PLEKHA5: variants seen among roughly 807,000 people sequenced by gnomAD.
The protein encoded by PLEKHA5 is pleckstrin homology domain containing A5, also known as pleckstrin homology domain-containing family A member 5.
PLEKHA5 carries 55 observed loss-of-function variants against 181.9 expected under a neutral mutation model. The observed-to-expected ratio is 0.30, with a 90% CI of 0.24 to 0.38. The LOEUF is 0.38. Ranked by LOEUF, PLEKHA5 falls within the 10% of genes least tolerant of loss-of-function variation. The pLI is 1.00. For synonymous variants in PLEKHA5, 535 were observed against 529.4 expected (o/e 1.01, Z -0.15); for missense variants, 1,432 against 1,549.5 (o/e 0.92, Z 1.27).
intron 15 of PLEKHA5, among the ~76,000 whole-genome samples, chr12:19,302,235 T>C (rs2081686436): frequency 6.6e-6 from 1 of 152,138 alleles, no homozygotes; most frequent in African/African-American, 2.4e-5. Context: ...CAGCAAGAGA[T>C]GGGTCTTCTT....
intron 28 of PLEKHA5, among the ~76,000 whole-genome samples, chr12:19,360,817 G>A (rs1197705422): frequency 7.3e-5 from 11 of 151,540 alleles, no homozygotes; most frequent in Admixed American, 5.3e-4. Context: ...GTACAGTGGC[G>A]TGATCTTGGC....
intron 3 of PLEKHA5, among the ~76,000 whole-genome samples, chr12:19,242,312 C>A (rs368847142): frequency 1.3e-5 from 2 of 151,690 alleles, no homozygotes; most frequent in African/African-American, 4.8e-5. Context: ...GATCTTGGCT[C>A]ACTGCAGCCT....
chr12:19,295,111 T>C (rs1055891011), intron 15 of PLEKHA5, among the ~76,000 whole-genome samples: 2 of 152,306 alleles, frequency 1.3e-5, no homozygotes, highest in Non-Finnish European at 2.9e-5. Flanking sequence ...AGGCCCAAAG[T>C]AGAACCTGTA....
At chr12:19,178,092 C>T (rs4561260) in intron 3 of PLEKHA5, among the ~76,000 whole-genome samples, 119,850 of 152,050 alleles carry the variant, frequency 0.79, 48,413 homozygotes, top group Non-Finnish European at 0.89. Context: ...GTTTCTGGAA[C>T]CATTGAGCAC....
intron 30 of PLEKHA5, among the ~76,000 whole-genome samples, chr12:19,369,334 CAA>C (rs34563287): frequency 4.5e-4 from 63 of 139,432 alleles, no homozygotes; most frequent in African/African-American, 1.2e-3. Flanking sequence ...CACGCCCAGC[CAA>C]AAAAAAAAAA....
intron 3 of PLEKHA5, among the ~76,000 whole-genome samples, chr12:19,248,543 CATT>C (rs978806758): frequency 6.6e-6 from 1 of 152,146 alleles, no homozygotes; most frequent in African/African-American, 2.4e-5. Context: ...AAATAATTAA[CATT>C]ATACTGCAAT....
chr12:19,229,822 G>T (rs796952466), intron 3 of PLEKHA5, among the ~76,000 whole-genome samples: 1 of 152,088 alleles, frequency 6.6e-6, no homozygotes, highest in African/African-American at 2.4e-5. Flanking sequence ...TGATTGGTCC[G>T]TTTTGACAGG....
rs761251487 is a variant in PLEKHA5 at position 19,139,686 on chromosome 12, C to G, written c.227+7236C>G. ...CTGTGATAAATGCTATGAAGAATATCTAATGTTTTGACTACGTATATTGAA... is the reference window on the plus strand; with the variant it reads ...CTGTGATAAATGCTATGAAGAATATGTAATGTTTTGACTACGTATATTGAA... On this transcript the variant is annotated intron_variant, in intron 3 of 31. Coordinates refer to ENST00000429027, the MANE Select transcript of PLEKHA5 (RefSeq NM_001256470.2). Among the ~76,000 whole-genome samples, 53 of 152,244 alleles carry G rather than the reference C, an allele frequency of 3.5e-4. 1 individual carries two copies. Among genetic ancestry groups the G allele is most frequent in the Admixed American group, 2.1e-3 (32 of 15,282 alleles).
At position 19,224,387 on chromosome 12, in the gene PLEKHA5, G is replaced by A. The variant is rs191668091; in HGVS notation, c.228-29553G>A. 2.9e-3 allele frequency among the ~76,000 whole-genome samples: 444 copies of A among 151,988 alleles called. 3 individuals carry two copies. Among genetic ancestry groups the A allele is most frequent in the Non-Finnish European group, 4.5e-3 (307 of 67,896 alleles). On this transcript the variant is annotated intron_variant, in intron 3 of 31. Transcript: ENST00000429027. The stretch of plus-strand genomic sequence containing the variant: ...TTGAATGACTTTTGTTTTTGTTTTT[G>A]TTTTTTTCCTGGGCAGAATTCTACC...
chr12:19,364,722 C>G (rs180810911), intron 29 of PLEKHA5, among the ~76,000 whole-genome samples: 2 of 151,400 alleles, frequency 1.3e-5, no homozygotes, highest in Non-Finnish European at 2.9e-5. Flanking sequence ...CGTGCAGTGG[C>G]GCAATCTTGG....
chr12:19,215,805 A>T (rs2057863651), intron 3 of PLEKHA5, among the ~76,000 whole-genome samples: 1 of 152,198 alleles, frequency 6.6e-6, no homozygotes, highest in Non-Finnish European at 1.5e-5. Flanking sequence ...TGGCTTTCTG[A>T]CTAAATTTGT....
intron 3 of PLEKHA5, among the ~76,000 whole-genome samples, chr12:19,173,473 G>A (rs1201333537): frequency 7.0e-6 from 1 of 142,784 alleles, no homozygotes; most frequent in Non-Finnish European, 1.5e-5. Flanking sequence ...AAAAAAAAAT[G>A]TGCTCCATTA....
chr12:19,298,786 A>C (rs149197252), intron 15 of PLEKHA5, among the ~76,000 whole-genome samples: 3 of 152,346 alleles, frequency 2.0e-5, no homozygotes, highest in African/African-American at 7.2e-5. Flanking sequence ...TCATGTCACA[A>C]GCATTTATTG....
At chr12:19,218,906 A>T (rs75323687) in intron 3 of PLEKHA5, among the ~76,000 whole-genome samples, 13,294 of 132,750 alleles carry the variant, frequency 0.1, 876 homozygotes, top group African/African-American at 0.23. Flanking sequence ...TATTATTATT[A>T]TTTTTTTTTT....
chr12:19,374,398 G>A (rs1277092496), intron 31 of PLEKHA5, among the ~76,000 whole-genome samples: 4 of 152,034 alleles, frequency 2.6e-5, no homozygotes, highest in East Asian at 1.9e-4. Context: ...AGTGGCTCAC[G>A]GCTGTAATCC....
intron 3 of PLEKHA5, among the ~76,000 whole-genome samples, chr12:19,168,708 G>A (rs1352135983): frequency 6.6e-6 from 1 of 152,072 alleles, no homozygotes; most frequent in Non-Finnish European, 1.5e-5. Context: ...ATAAGAAAGG[G>A]CTCTTCAAAT....
At chr12:19,135,790 A>T (rs1253433004) in intron 3 of PLEKHA5, among the ~76,000 whole-genome samples, 3 of 152,116 alleles carry the variant, frequency 2.0e-5, no homozygotes, top group African/African-American at 7.2e-5. Context: ...ACAAGTTTGC[A>T]GCTAGATTAA....
Position 19,129,766 on chromosome 12 carries a change from A to T in PLEKHA5, c.-34A>T, listed in dbSNP as rs776990533. On this transcript the variant is annotated 5_prime_UTR_variant, in exon 1 of 32. Coordinates refer to ENST00000429027, the MANE Select transcript of PLEKHA5 (RefSeq NM_001256470.2). ...CTCCCTCGGCAGCCGCGGCGGCAGC[A>T]GGAGAAGGCGGCGGCGGCGGCTAGG... 1.3e-6 allele frequency: 2 copies of T among 1,515,178 alleles called. No individual in the cohort carries two copies. The highest frequency in any genetic ancestry group is 1.8e-6 in the Non-Finnish European group (2 of 1,103,292). 93.9% of individuals were successfully genotyped at this position (1,515,178 alleles called of 1,614,324 possible). A position where few individuals can be genotyped will look rare whatever the true frequency, so the allele number is the denominator to read the frequency against.
At chr12:19,301,127 G>A (rs1416311561) in intron 15 of PLEKHA5, among the ~76,000 whole-genome samples, 1 of 152,052 alleles carries the variant, frequency 6.6e-6, no homozygotes, top group Non-Finnish European at 1.5e-5. Context: ...TCCAGCCTGG[G>A]CAACAAGAGC....
Sources: gnomAD v4.1 joint callset for allele counts (sites outside exome capture counted in the v4.1 genomes callset) on GRCh38, gnomAD v4.1.1 for gene constraint, MANE v1.5 for transcripts, NCBI Gene and HGNC (gene_info 2026-07-23, HGNC 2026-07-21) for gene names.